The following TOP1 variants were observed in gnomAD, a reference collection of about 807,000 sequenced individuals.
The protein encoded by TOP1 is DNA topoisomerase I.
Under a neutral mutation model 111.1 loss-of-function variants are expected in TOP1, and 10 were observed. The ratio of observed to expected loss-of-function variants is 0.09; its 90% CI spans 0.06 to 0.15. TOP1 has a LOEUF of 0.15. Ranked by LOEUF, TOP1 falls within the 10% of genes least tolerant of loss-of-function variation. TOP1 has a pLI of 1.00. For synonymous variants in TOP1, 271 were observed against 302.9 expected (o/e 0.89, Z 1.10); for missense variants, 474 against 926.7 (o/e 0.51, Z 6.34).
intron 13 of TOP1, among the ~76,000 whole-genome samples, chr20:41,104,393 T>G (rs2034112509): frequency 6.6e-6 from 1 of 152,150 alleles, no homozygotes; most frequent in Non-Finnish European, 1.5e-5. Context: ...TTAAGACAAA[T>G]GATGGCAATG....
At chr20:41,070,512 C>T (rs553139940) in intron 3 of TOP1, among the ~76,000 whole-genome samples, 4 of 152,312 alleles carry the variant, frequency 2.6e-5, no homozygotes, top group Admixed American at 1.3e-4. Flanking sequence ...TCAGAAGCTG[C>T]GCTCTTTTCC....
Position 41,121,623 on chromosome 20 carries a change from C to G in TOP1, c.1951-73C>G, listed in dbSNP as rs897945596. 1.7e-6 allele frequency: 2 copies of G among 1,164,418 alleles called. No individual in the cohort carries two copies. Among genetic ancestry groups the G allele is most frequent in the African/African-American group, 1.5e-5 (1 of 66,138 alleles). The allele number at this position is 1,164,418 out of a possible 1,614,324, so 72.1% of individuals were successfully genotyped here. A position where few individuals can be genotyped will look rare whatever the true frequency, so the allele number is the denominator to read the frequency against. ...AGAGACAGCCTGGTCCAGATAACAT[C>G]TTGGTTTCACCTTCTCAGGTGGAGC... On this transcript the variant is annotated intron_variant, in intron 18 of 20. Coordinates refer to ENST00000361337, the MANE Select transcript of TOP1 (RefSeq NM_003286.4). This position sits in a 1 kb window ranked among gnomAD's most constrained non-coding sequence, Gnocchi z 4.2.
intron 3 of TOP1, among the ~76,000 whole-genome samples, 155 bp from the exon 4 acceptor site, chr20:41,076,016 C>T (rs1295645032): frequency 6.6e-6 from 1 of 152,120 alleles, no homozygotes; most frequent in African/African-American, 2.4e-5. Flanking sequence ...AGATAAAGTC[C>T]GATGTAGCCA....
intron 9 of TOP1, among the ~76,000 whole-genome samples, chr20:41,093,416 C>T (rs1010298301): frequency 5.3e-5 from 8 of 151,822 alleles, no homozygotes; most frequent in Admixed American, 2.6e-4. Flanking sequence ...CTTTCCCCAC[C>T]GTCCCTCTTC....
chr20:41,031,449 A>G, intron 2 of TOP1, among the ~76,000 whole-genome samples: 1 of 152,216 alleles, frequency 6.6e-6, no homozygotes, highest in South Asian at 2.1e-4. Context: ...CACGTGAATG[A>G]TTGTGAGCTG....
intron 2 of TOP1, among the ~76,000 whole-genome samples, chr20:41,052,430 A>G (rs923375411): frequency 2.0e-5 from 3 of 152,196 alleles, no homozygotes; most frequent in African/African-American, 4.8e-5. Flanking sequence ...CCTATGGAGA[A>G]TGAACTTTTT....
rs1394663216 is a variant in TOP1 at position 41,097,362 on chromosome 20, A to C, written c.852+21A>C. 1.2e-6 allele frequency: 2 copies of C among 1,608,354 alleles called. No homozygotes were observed. The highest frequency in any genetic ancestry group is 1.7e-6 in the Non-Finnish European group (2 of 1,177,414). On this transcript the variant is annotated intron_variant, in intron 10 of 20. Transcript: ENST00000361337. This position sits in a 1 kb window ranked among gnomAD's most constrained non-coding sequence, Gnocchi z 4.2. ...GAAAGGTACTGTAGCCCATGTGTTA[A>C]TATCCTAGTACCTTGCAAAACAATC...
chr20:41,044,803 A>G (rs1216614602), intron 2 of TOP1, among the ~76,000 whole-genome samples: 1 of 152,080 alleles, frequency 6.6e-6, no homozygotes, highest in African/African-American at 2.4e-5. Context: ...TGAGAGAGAG[A>G]GAGAGAGACA....
At chr20:41,059,298 C>T (rs1418651779) in intron 2 of TOP1, among the ~76,000 whole-genome samples, 1 of 151,448 alleles carries the variant, frequency 6.6e-6, no homozygotes, top group Admixed American at 6.6e-5. Flanking sequence ...AACAAACCTG[C>T]ACATATACCC....
chr20:41,033,200 T>TA (rs1568668388), intron 2 of TOP1, among the ~76,000 whole-genome samples: 1 of 152,104 alleles, frequency 6.6e-6, no homozygotes, highest in African/African-American at 2.4e-5. Flanking sequence ...GAATCAGAAA[T>TA]ACGTTGTGGC....
chr20:41,104,768 T>A (rs983686936), intron 13 of TOP1, among the ~76,000 whole-genome samples: 3 of 152,222 alleles, frequency 2.0e-5, no homozygotes, highest in Non-Finnish European at 4.4e-5. Flanking sequence ...AAGAAATGAT[T>A]TCTTGAGCTT....
intron 2 of TOP1, among the ~76,000 whole-genome samples, chr20:41,037,267 A>AT (rs2033201311): frequency 6.6e-6 from 1 of 152,168 alleles, no homozygotes; most frequent in South Asian, 2.1e-4. Context: ...AGAATTATGG[A>AT]TTTTCTATTA....
rs1242794653 is a variant in TOP1, at chr20:41,106,056, C to T, written c.1308+4703C>T. Among the ~76,000 whole-genome samples, 2 of 128,710 alleles carry T rather than the reference C, an allele frequency of 1.6e-5. No homozygotes were observed. The highest frequency in any genetic ancestry group is 3.1e-5 in the Non-Finnish European group (2 of 64,332). 84.4% of individuals were successfully genotyped at this position (128,710 alleles called of 152,430 possible). A position where few individuals can be genotyped will look rare whatever the true frequency, so the allele number is the denominator to read the frequency against. ...AAAGTTTTGCTTTTTACATTTGGGT[C>T]TTAGATCCACTAGAATGTATTTTTG... On this transcript the variant is annotated intron_variant, in intron 13 of 20. Coordinates refer to ENST00000361337, the MANE Select transcript of TOP1 (RefSeq NM_003286.4). This position sits in a 1 kb window ranked among gnomAD's most constrained non-coding sequence, Gnocchi z 4.3.
rs377728021 is a variant in TOP1, at chr20:41,121,044, C to T, written c.1951-652C>T. Among the ~76,000 whole-genome samples, 12 of 152,148 alleles carry T rather than the reference C, an allele frequency of 7.9e-5. No homozygotes were observed. Among genetic ancestry groups the T allele is most frequent in the South Asian group, 2.1e-4 (1 of 4,816 alleles). On this transcript the variant is annotated intron_variant, in intron 18 of 20. Transcript: ENST00000361337. This position sits in a 1 kb window ranked among gnomAD's most constrained non-coding sequence, Gnocchi z 4.2. ...GGCGTGAGACACCGCGCCTGGTGAC[C>T]GCTCTCCTTTTAAAAACAGAATGCC...
intron 18 of TOP1, among the ~76,000 whole-genome samples, chr20:41,120,843 G>A (rs552113724): frequency 6.6e-6 from 1 of 152,284 alleles, no homozygotes; most frequent in Admixed American, 6.5e-5. Context: ...CCGGGTTCAT[G>A]CCATTCTACT....
chr20:41,049,785 T>G (rs2033380402), intron 2 of TOP1, among the ~76,000 whole-genome samples: 1 of 152,228 alleles, frequency 6.6e-6, no homozygotes, highest in East Asian at 1.9e-4. Flanking sequence ...CCAACTTCCT[T>G]AAGGACAGAA....
Position 41,080,236 on chromosome 20 carries a change from A to G in TOP1, c.431+56A>G. ...AAAACAAAAAGGAGGAGTTTAAAGAATAAATGTGATGTGTTTCTTTATAAT... is the reference window on the plus strand; with the variant it reads ...AAAACAAAAAGGAGGAGTTTAAAGAGTAAATGTGATGTGTTTCTTTATAAT... On this transcript the variant is annotated intron_variant, in intron 6 of 20. Transcript: ENST00000361337. This position sits in a 1 kb window ranked among gnomAD's most constrained non-coding sequence, Gnocchi z 5.0. 1 of 1,040,754 alleles carries G rather than the reference A, an allele frequency of 9.6e-7. No individual in the cohort carries two copies. Among genetic ancestry groups the G allele is most frequent in the Non-Finnish European group, 1.4e-6 (1 of 692,928 alleles). 64.5% of individuals were successfully genotyped at this position (1,040,754 alleles called of 1,614,324 possible). A position where few individuals can be genotyped will look rare whatever the true frequency, so the allele number is the denominator to read the frequency against.
chr20:41,072,791 T>G, intron 3 of TOP1: 1 of 985,446 alleles, frequency 1.0e-6, no homozygotes, highest in Non-Finnish European at 1.2e-6. Context: ...CCCAAATTTC[T>G]AACAGTCTCC....
intron 7 of TOP1, among the ~76,000 whole-genome samples, chr20:41,084,146 C>T (rs574882172): frequency 6.6e-6 from 1 of 151,958 alleles, no homozygotes; most frequent in Admixed American, 6.6e-5. Flanking sequence ...AAAATACACT[C>T]GGATTACTCT....
Sources: gnomAD v4.1 joint callset for allele counts (sites outside exome capture counted in the v4.1 genomes callset) on GRCh38, gnomAD v4.1.1 for gene constraint, Gnocchi (gnomAD v3.1) non-coding constraint, MANE v1.5 for transcripts, NCBI Gene and HGNC (gene_info 2026-07-23, HGNC 2026-07-21) for gene names.